ADAMTS17: variants seen among roughly 807,000 people sequenced by gnomAD.
ADAMTS17 encodes ADAM metallopeptidase with thrombospondin type 1 motif 17.
ADAMTS17 carries 113 observed loss-of-function variants against 141.5 expected under a neutral mutation model. The observed-to-expected ratio is 0.80, with a 90% CI of 0.69 to 0.93. The LOEUF (loss-of-function observed/expected upper bound fraction) is 0.93. Among genes scored for constraint, ADAMTS17 ranks in the 40% least tolerant of loss-of-function variants. The pLI, the probability that ADAMTS17 is intolerant of heterozygous loss-of-function variation, is 0.00. For synonymous variants in ADAMTS17, 768 were observed against 630.6 expected (o/e 1.22, Z -3.27); for missense variants, 1,659 against 1,517.9 (o/e 1.09, Z -1.54).
intron 20 of ADAMTS17, among the ~76,000 whole-genome samples, chr15:99,981,578 C>T (rs34829871): frequency 0.011 from 1,722 of 152,264 alleles, 25 homozygotes; most frequent in Middle Eastern, 0.037. Context: ...TGGGCCAGCC[C>T]CCTAGAGGAT....
intron 20 of ADAMTS17, among the ~76,000 whole-genome samples, chr15:99,977,031 G>A (rs1362957941): frequency 6.6e-6 from 1 of 152,072 alleles, no homozygotes; most frequent in Non-Finnish European, 1.5e-5. Context: ...CTGAGGCTCC[G>A]GGGCCTTTGC....
chr15:100,287,642 T>C (rs1171996392), intron 3 of ADAMTS17, among the ~76,000 whole-genome samples: 1 of 152,068 alleles, frequency 6.6e-6, no homozygotes, highest in Non-Finnish European at 1.5e-5. Flanking sequence ...GGAGAAGAGG[T>C]AGGTCACCTA....
chr15:100,317,843 G>A (rs1567530003), intron 3 of ADAMTS17, among the ~76,000 whole-genome samples: 2 of 152,264 alleles, frequency 1.3e-5, no homozygotes, highest in African/African-American at 2.4e-5. Flanking sequence ...ACCATTCCTG[G>A]TTTAGTTTCT....
chr15:99,977,058 A>G lies in ADAMTS17; in HGVS notation c.2950-836T>C, dbSNP rs570215187. ...GGCCTTTGCCCAGTCTTGGGCATGG[A>G]GAAGAGCCCAGTAATGACTGGGGTT... On this transcript the variant is annotated intron_variant, in intron 20 of 21. Transcript: ENST00000268070. Among the ~76,000 whole-genome samples the G allele has an allele frequency of 6.6e-5, 10 of 152,114 alleles. No individual in the cohort carries two copies. The South Asian group carries it at 1.5e-3, about 22-fold the overall frequency.
At chr15:100,324,989 T>C (rs1349327473) in intron 3 of ADAMTS17, among the ~76,000 whole-genome samples, 6 of 152,216 alleles carry the variant, frequency 3.9e-5, no homozygotes, top group African/African-American at 1.2e-4. Flanking sequence ...ACTGAATAGC[T>C]GACCAGCCAA....
chr15:100,196,341 T>C (rs1462079784), intron 8 of ADAMTS17, among the ~76,000 whole-genome samples: 1 of 152,248 alleles, frequency 6.6e-6, no homozygotes, highest in Non-Finnish European at 1.5e-5. Flanking sequence ...TCTAGCTTTG[T>C]GTTTTCTGAC....
rs1442143539 is a variant in ADAMTS17 at position 100,047,288 on chromosome 15, T to G, written c.2591+1569A>C. Among the ~76,000 whole-genome samples the G allele has an allele frequency of 4.5e-5, 6 of 132,336 alleles. 2 individuals carry two copies. The highest frequency in any genetic ancestry group is 1.9e-4 in the African/African-American group (6 of 30,880). The allele number at this position is 132,336 out of a possible 152,430, so 86.8% of individuals were successfully genotyped here. ...CATTAGCAATTTTTCGCCCCGGTCC[T>G]GTGGTCCTGTGATCTCGCCCTGCCT... On this transcript the variant is annotated intron_variant, in intron 18 of 21. Coordinates refer to ENST00000268070, the MANE Select transcript of ADAMTS17 (RefSeq NM_139057.4).
chr15:100,096,864 G>A (rs1429472257), intron 14 of ADAMTS17, among the ~76,000 whole-genome samples: 2 of 152,192 alleles, frequency 1.3e-5, no homozygotes, highest in Non-Finnish European at 2.9e-5. Flanking sequence ...CATGATGGGG[G>A]TTCCCCTCTA....
chr15:100,129,157 T>C (rs889722300), intron 12 of ADAMTS17: 1 of 152,216 alleles, frequency 6.6e-6, no homozygotes, highest in Non-Finnish European at 1.5e-5. Flanking sequence ...GGGTGTCACC[T>C]GTTATGAGAT....
chr15:100,014,501 T>C (rs2061250310), intron 18 of ADAMTS17, among the ~76,000 whole-genome samples: 1 of 152,238 alleles, frequency 6.6e-6, no homozygotes, highest in Admixed American at 6.5e-5. Context: ...TGTTTAGGGC[T>C]GAGAACTTTC....
chr15:100,251,005 T>G (rs1440342343), intron 7 of ADAMTS17, among the ~76,000 whole-genome samples: 4 of 152,220 alleles, frequency 2.6e-5, no homozygotes, highest in Non-Finnish European at 5.9e-5. Context: ...TCTGACTGGC[T>G]TAATCATTTG....
At chr15:99,987,575 G>T (rs749878424) in intron 20 of ADAMTS17, among the ~76,000 whole-genome samples, 1 of 152,180 alleles carries the variant, frequency 6.6e-6, no homozygotes, top group South Asian at 2.1e-4. Flanking sequence ...GGCACCATCT[G>T]CAAGCTGGAC....
chr15:100,303,055 C>A (rs2045097537), intron 3 of ADAMTS17, among the ~76,000 whole-genome samples: 2 of 149,506 alleles, frequency 1.3e-5, no homozygotes, highest in South Asian at 4.2e-4. Context: ...ATTGTGGGAC[C>A]TTATGATCAT....
At chr15:100,187,000 A>G (rs1033012586) in intron 8 of ADAMTS17, among the ~76,000 whole-genome samples, 1 of 152,078 alleles carries the variant, frequency 6.6e-6, no homozygotes, top group Non-Finnish European at 1.5e-5. Context: ...ACAATTATCA[A>G]TGTGGTCTGC....
intron 7 of ADAMTS17, among the ~76,000 whole-genome samples, chr15:100,227,619 A>G (rs1016218413): frequency 1.3e-5 from 2 of 152,188 alleles, no homozygotes; most frequent in African/African-American, 4.8e-5. Context: ...CCTTTCCCTC[A>G]TGGTCCCAAG....
chr15:100,288,974 C>A (rs1008555231), intron 3 of ADAMTS17, among the ~76,000 whole-genome samples: 1 of 152,028 alleles, frequency 6.6e-6, no homozygotes, highest in African/African-American at 2.4e-5. Context: ...AACCTCAATG[C>A]TAGCAGAAGA....
chr15:100,152,847 A>C (rs1224989114), intron 9 of ADAMTS17, 85 bp from the exon 10 acceptor site: 2 of 1,504,974 alleles, frequency 1.3e-6, no homozygotes, highest in East Asian at 4.8e-5. Context: ...TTGAGTTTTC[A>C]GTCACTGAGA....
chr15:100,064,610 G>A (rs1006830831), intron 15 of ADAMTS17, among the ~76,000 whole-genome samples: 2 of 152,180 alleles, frequency 1.3e-5, no homozygotes, highest in Non-Finnish European at 2.9e-5. Context: ...ACGGTGCACC[G>A]TTTCTTGCTT....
chr15:100,293,412 G>A (rs2044709860), intron 3 of ADAMTS17, among the ~76,000 whole-genome samples: 1 of 152,226 alleles, frequency 6.6e-6, no homozygotes, highest in Non-Finnish European at 1.5e-5. Context: ...CCCAGGGCTT[G>A]GCTGTTACAT....
Sources: gnomAD v4.1 joint callset for allele counts (sites outside exome capture counted in the v4.1 genomes callset) on GRCh38, gnomAD v4.1.1 for gene constraint, MANE v1.5 for transcripts, NCBI Gene and HGNC (gene_info 2026-07-23, HGNC 2026-07-21) for gene names.